Variants in CNTN5 observed in about 807,000 individuals in gnomAD.
CNTN5 encodes contactin-5.
In CNTN5, 77 loss-of-function variants were observed where a neutral mutation model predicts 129.1. The observed-to-expected ratio is 0.60, with a 90% CI of 0.50 to 0.72. CNTN5 has a LOEUF of 0.72. Among genes scored for constraint, CNTN5 ranks in the 30% least tolerant of loss-of-function variants. CNTN5 has a pLI of 0.00. For missense variants in CNTN5, 1,478 were observed against 1,328.8 expected, an observed-to-expected ratio of 1.11 and a Z score of -1.75; for synonymous variants, 509 against 465.6, an observed-to-expected ratio of 1.09 and a Z score of -1.20.
chr11:99,949,289 T>G (rs1032708920), intron 7 of CNTN5, among the ~76,000 whole-genome samples: 3 of 152,236 alleles, frequency 2.0e-5, no homozygotes, highest in African/African-American at 7.2e-5. Flanking sequence ...ATGCTGAGAT[T>G]ACCTTTGTCA....
At chr11:99,792,617 G>A (rs1157235076) in intron 3 of CNTN5, among the ~76,000 whole-genome samples, 5 of 145,514 alleles carry the variant, frequency 3.4e-5, no homozygotes, top group Middle Eastern at 3.2e-3. Context: ...TTGGTATTAA[G>A]ATGATGCTGG....
At chr11:99,744,574 G>T (rs1330420696) in intron 3 of CNTN5, among the ~76,000 whole-genome samples, 2 of 60,094 alleles carry the variant, frequency 3.3e-5, no homozygotes, top group Non-Finnish European at 7.5e-5. Flanking sequence ...AAAAAAAAAA[G>T]CTGGGTGTAG....
At chr11:99,657,950 A>C (rs1436479303) in intron 3 of CNTN5, among the ~76,000 whole-genome samples, 1 of 152,172 alleles carries the variant, frequency 6.6e-6, no homozygotes, top group Admixed American at 6.6e-5. Flanking sequence ...ACTCTAATGG[A>C]TACTATGTTT....
chr11:99,239,567 A>ACACT (rs1861437450), intron 1 of CNTN5, among the ~76,000 whole-genome samples: 1 of 152,182 alleles, frequency 6.6e-6, no homozygotes, highest in Admixed American at 6.5e-5. Context: ...GAGTAGGAAA[A>ACACT]CACTCATATC....
At chr11:99,332,184 C>A (rs1866028169) in intron 2 of CNTN5, among the ~76,000 whole-genome samples, 1 of 152,064 alleles carries the variant, frequency 6.6e-6, no homozygotes, top group Admixed American at 6.6e-5. Context: ...ATGCATTTTA[C>A]TTTCCTTCAC....
At chr11:99,189,976 T>C (rs759662701) in intron 1 of CNTN5, among the ~76,000 whole-genome samples, 3 of 151,710 alleles carry the variant, frequency 2.0e-5, no homozygotes, top group Non-Finnish European at 4.4e-5. Context: ...CAAAAAAATA[T>C]TGTCTAGACC....
At chr11:99,328,657 G>T (rs890181132) in intron 2 of CNTN5, among the ~76,000 whole-genome samples, 1 of 151,940 alleles carries the variant, frequency 6.6e-6, no homozygotes, top group African/African-American at 2.4e-5. Flanking sequence ...GATCACCTGA[G>T]GTCGGGAGTT....
intron 18 of CNTN5, among the ~76,000 whole-genome samples, chr11:100,291,510 A>G (rs1340424363): frequency 1.3e-5 from 2 of 148,918 alleles, no homozygotes; most frequent in East Asian, 2.0e-4. Flanking sequence ...TCGCAAGAAC[A>G]AAAAACCAAA....
chr11:99,723,084 A>G (rs1943225932), intron 3 of CNTN5, among the ~76,000 whole-genome samples: 1 of 151,892 alleles, frequency 6.6e-6, no homozygotes, highest in Non-Finnish European at 1.5e-5. Context: ...TGTTCCTAAC[A>G]TGTTTTCTCT....
chr11:99,992,333 G>T (rs370321633), intron 8 of CNTN5, among the ~76,000 whole-genome samples: 2 of 152,188 alleles, frequency 1.3e-5, no homozygotes, highest in Non-Finnish European at 2.9e-5. Context: ...GCTCTGCTGG[G>T]AGTACCAGCA....
intron 1 of CNTN5, among the ~76,000 whole-genome samples, chr11:99,028,270 T>C (rs1428214494): frequency 6.6e-6 from 1 of 151,868 alleles, no homozygotes; most frequent in Non-Finnish European, 1.5e-5. Context: ...CAGTGAGTAA[T>C]TTAATGCAAT....
intron 3 of CNTN5, among the ~76,000 whole-genome samples, chr11:99,788,361 A>C (rs1283314806): frequency 6.6e-6 from 1 of 151,956 alleles, no homozygotes; most frequent in African/African-American, 2.4e-5. Context: ...TGTCTTGGGC[A>C]ATAAAAGCCA....
chr11:99,640,371 T>C (rs1280081563), intron 3 of CNTN5, among the ~76,000 whole-genome samples: 1 of 152,184 alleles, frequency 6.6e-6, no homozygotes, highest in Non-Finnish European at 1.5e-5. Context: ...CTCTGAATTA[T>C]GGTGGGAGGC....
chr11:99,908,493 A>G (rs1949569862), intron 6 of CNTN5, among the ~76,000 whole-genome samples: 1 of 152,036 alleles, frequency 6.6e-6, no homozygotes, highest in Non-Finnish European at 1.5e-5. Context: ...ATTTTTAGTC[A>G]ATTAAGACTG....
At chr11:100,038,176 C>T (rs1174536014) in intron 9 of CNTN5, among the ~76,000 whole-genome samples, 3 of 151,468 alleles carry the variant, frequency 2.0e-5, no homozygotes, top group African/African-American at 7.3e-5. Flanking sequence ...TGTCTTTGTT[C>T]TCGTTGGTTT....
At chr11:99,633,875 A>G (rs1951453677) in intron 3 of CNTN5, among the ~76,000 whole-genome samples, 1 of 152,230 alleles carries the variant, frequency 6.6e-6, no homozygotes, top group Admixed American at 6.5e-5. Context: ...TGGAAGGAGC[A>G]TGACCCACAT....
intron 1 of CNTN5, among the ~76,000 whole-genome samples, chr11:99,182,891 C>G (rs530215679): frequency 8.3e-4 from 126 of 152,010 alleles, no homozygotes; most frequent in African/African-American, 2.9e-3. Flanking sequence ...AATATGCAAT[C>G]AAGAAGATGC....
intron 1 of CNTN5, among the ~76,000 whole-genome samples, chr11:99,133,618 G>GAAAAAAAA (rs1565344480): frequency 3.0e-4 from 39 of 131,580 alleles, no homozygotes; most frequent in African/African-American, 1.1e-3. Context: ...CACTTCTCAA[G>GAAAAAAAA]AAAAAAAAAA....
At chr11:99,733,439 A>G (rs541610518) in intron 3 of CNTN5, among the ~76,000 whole-genome samples, 1 of 138,424 alleles carries the variant, frequency 7.2e-6, no homozygotes, top group Non-Finnish European at 1.6e-5. Flanking sequence ...TGTTTAGAAC[A>G]TGGTTTGGAA....
Sources: allele counts gnomAD v4.1 joint callset (sites outside exome capture counted in the v4.1 genomes callset), GRCh38; gene constraint gnomAD v4.1.1; transcripts MANE v1.5; gene names NCBI Gene and HGNC (gene_info 2026-07-23, HGNC 2026-07-21).